The following AMPH variants were observed in gnomAD, a reference collection of about 807,000 sequenced individuals.
AMPH encodes amphiphysin.
Under a neutral mutation model 99.1 loss-of-function variants are expected in AMPH, and 49 were observed. The observed-to-expected ratio is 0.49, with a 90% CI of 0.39 to 0.63. The LOEUF is 0.63. Ranked by LOEUF, AMPH falls within the 20% of genes least tolerant of loss-of-function variation. The pLI, the probability that AMPH is intolerant of heterozygous loss-of-function variation, is 0.00. For missense variants in AMPH, 759 were observed against 863.4 expected (o/e 0.88, Z 1.52); for synonymous variants, 314 against 317.3 (o/e 0.99, Z 0.11).
At chr7:38,433,353 GT>G (rs1786114877) in intron 12 of AMPH, among the ~76,000 whole-genome samples, 1 of 152,158 alleles carries the variant, frequency 6.6e-6, no homozygotes, top group Non-Finnish European at 1.5e-5. Flanking sequence ...GAAAGCCACA[GT>G]TTTTTGTACA....
intron 3 of AMPH, 31 bp from the exon 4 acceptor site, chr7:38,494,558 A>G (rs1788855229): frequency 6.3e-7 from 1 of 1,580,282 alleles, no homozygotes. Flanking sequence ...CTCCCGTTAC[A>G]CAGAAATGAG....
intron 1 of AMPH, among the ~76,000 whole-genome samples, chr7:38,628,745 G>A (rs973348531): frequency 2.6e-5 from 4 of 152,132 alleles, no homozygotes; most frequent in Non-Finnish European, 2.9e-5. Context: ...TATGTGCTTC[G>A]TAATTTGCTG....
At chr7:38,504,342 T>C (rs1243707000) in intron 2 of AMPH, among the ~76,000 whole-genome samples, 1 of 152,216 alleles carries the variant, frequency 6.6e-6, no homozygotes, top group African/African-American at 2.4e-5. Flanking sequence ...AACTGTTAAA[T>C]TGTAAATGTT....
chr7:38,418,155 G>T (rs1562739885), intron 16 of AMPH: 2 of 421,480 alleles, frequency 4.7e-6, no homozygotes, highest in East Asian at 4.8e-5. Context: ...TTAAGCTTCT[G>T]CTTTACCATC....
chr7:38,463,288 T>C, intron 9 of AMPH, 175 bp from the exon 10 acceptor site: 1 of 826,300 alleles, frequency 1.2e-6, no homozygotes, highest in Non-Finnish European at 2.0e-6. Flanking sequence ...ACTGGTACCA[T>C]TTATTTGCAC....
intron 1 of AMPH, among the ~76,000 whole-genome samples, chr7:38,575,051 TAAAAA>T (rs3056279): frequency 8.5e-5 from 9 of 105,288 alleles, no homozygotes; most frequent in African/African-American, 3.1e-4. Context: ...AGACTCTGTC[TAAAAA>T]AAAAAAAAAA....
chr7:38,497,284 T>C, intron 3 of AMPH, among the ~76,000 whole-genome samples: 1 of 151,924 alleles, frequency 6.6e-6, no homozygotes, highest in African/African-American at 2.4e-5. Context: ...GCAGAAAAGG[T>C]GCTAAATGCT....
At chr7:38,516,498 T>G (rs1158179525) in intron 2 of AMPH, among the ~76,000 whole-genome samples, 1 of 152,224 alleles carries the variant, frequency 6.6e-6, no homozygotes, top group Non-Finnish European at 1.5e-5. Flanking sequence ...TGGGAGCCTC[T>G]GCCTAGATTT....
rs374663206 is a variant in AMPH at position 38,465,473 on chromosome 7, G to A, written c.743C>T (p.Ala248Val). ...CCAATGAGCAGGGGCCTACCTGGGCGCTCCTTGGATGGTGAAGGCCTTGTC... is the reference window on the plus strand; with the variant it reads ...CCAATGAGCAGGGGCCTACCTGGGCACTCCTTGGATGGTGAAGGCCTTGTC... ...HADKAFTIQG[A>V]PSDSGPLRIA... The change falls in exon 9 of 21, where the codon GCG becomes GTG. Residue 248 changes from alanine to valine, a missense_variant. Physicochemically the swap from Ala to Val is moderately conservative, Grantham distance 64. Transcript: ENST00000356264. The A allele has an allele frequency of 5.7e-5, 90 of 1,574,366 alleles. No individual in the cohort carries two copies. Among genetic ancestry groups the A allele is most frequent in the Non-Finnish European group, 6.2e-5 (72 of 1,157,824 alleles).
chr7:38,561,934 A>G (rs1791563872), intron 1 of AMPH, among the ~76,000 whole-genome samples: 1 of 151,966 alleles, frequency 6.6e-6, no homozygotes, highest in African/African-American at 2.4e-5. Context: ...GAAAAAAAAA[A>G]AAGTGTTGTT....
intron 1 of AMPH, among the ~76,000 whole-genome samples, chr7:38,612,032 A>G (rs1793697362): frequency 6.6e-6 from 1 of 150,474 alleles, no homozygotes; most frequent in Non-Finnish European, 1.5e-5. Context: ...CTTCTGTTCC[A>G]GCTCTAACAT....
chr7:38,403,891 C>T (rs144860127), intron 17 of AMPH, among the ~76,000 whole-genome samples: 8 of 152,254 alleles, frequency 5.3e-5, no homozygotes, highest in Non-Finnish European at 1.0e-4. Flanking sequence ...TCCAGATGGC[C>T]GCACCCCCAG....
intron 1 of AMPH, among the ~76,000 whole-genome samples, chr7:38,565,306 G>A (rs868389154): frequency 1.3e-5 from 2 of 152,090 alleles, no homozygotes; most frequent in Non-Finnish European, 2.9e-5. Flanking sequence ...ATAATGGTTT[G>A]CTAGGGCTGT....
In AMPH at chr7:38,580,658, G is replaced by GGATGAT. The variant is rs60977723; in HGVS notation, c.70-45653_70-45648dup. The stretch of plus-strand genomic sequence containing the variant: ...GAGGATGAGAAGTCCAAGAGATATG[G>GGATGAT]GATGATGATGATGATGATGATGATG... On this transcript the variant is annotated intron_variant, in intron 1 of 20. Transcript: ENST00000356264. Among the ~76,000 whole-genome samples, 452 of 149,496 alleles carry GGATGAT rather than the reference G, an allele frequency of 3.0e-3. 1 individual carries two copies. Among genetic ancestry groups the GGATGAT allele is most frequent in the Non-Finnish European group, 4.0e-3 (270 of 67,498 alleles).
intron 2 of AMPH, among the ~76,000 whole-genome samples, chr7:38,530,213 G>A (rs547819461): frequency 3.9e-5 from 6 of 152,330 alleles, no homozygotes; most frequent in Admixed American, 2.0e-4. Flanking sequence ...AAACAGGATC[G>A]CTGTGTCCAG....
chr7:38,608,786 C>T (rs532064888), intron 1 of AMPH, among the ~76,000 whole-genome samples: 1 of 152,318 alleles, frequency 6.6e-6, no homozygotes, highest in African/African-American at 2.4e-5. Flanking sequence ...CAGTACACAT[C>T]AGCAATCGAA....
chr7:38,503,317 GT>G (rs1789206716), intron 3 of AMPH, among the ~76,000 whole-genome samples: 1 of 152,174 alleles, frequency 6.6e-6, no homozygotes, highest in Non-Finnish European at 1.5e-5. Flanking sequence ...TTGGCATGTG[GT>G]CTCCCTCAGG....
chr7:38,429,268 G>T (rs1177924183), intron 14 of AMPH: 2 of 1,286,296 alleles, frequency 1.6e-6, no homozygotes, highest in Admixed American at 4.6e-5. Flanking sequence ...TTTGGGGGCA[G>T]TTGTTCATTT....
intron 4 of AMPH, among the ~76,000 whole-genome samples, chr7:38,491,376 T>G (rs551959694): frequency 6.6e-6 from 1 of 152,324 alleles, no homozygotes; most frequent in African/African-American, 2.4e-5. Flanking sequence ...AAAACTGTAT[T>G]TCTGATTCTA....
Sources: allele counts gnomAD v4.1 joint callset (sites outside exome capture counted in the v4.1 genomes callset), GRCh38; gene constraint gnomAD v4.1.1; transcripts MANE v1.5; gene names NCBI Gene and HGNC (gene_info 2026-07-23, HGNC 2026-07-21).